GPC3: variants seen among roughly 807,000 people sequenced by gnomAD.
GPC3 encodes the protein glypican 3.
GPC3 carries 3 observed loss-of-function variants against 34.4 expected under a neutral mutation model. That is an observed-to-expected ratio of 0.09 (90% CI 0.04 to 0.23). GPC3 has a LOEUF of 0.23. Among genes scored for constraint, GPC3 ranks in the 10% least tolerant of loss-of-function variants. GPC3 has a pLI of 1.00. For missense variants in GPC3, 351 were observed against 445.6 expected, an observed-to-expected ratio of 0.79 and a Z score of 1.91; for synonymous variants, 177 against 174.0, an observed-to-expected ratio of 1.02 and a Z score of -0.13.
intron 7 of GPC3, among the ~76,000 whole-genome samples, chrX:133,556,647 G>A (rs1370072947): frequency 9.2e-6 from 1 of 108,309 alleles, no homozygotes; most frequent in Non-Finnish European, 1.9e-5. Flanking sequence ...GACAGAAGGT[G>A]GTACAGATTG....
chrX:133,790,223 G>T (rs2072146026), intron 2 of GPC3, among the ~76,000 whole-genome samples: 1 of 111,659 alleles, frequency 9.0e-6, no homozygotes. Context: ...CAATTTGAAG[G>T]CCCAGAGAAA....
At chrX:133,596,369 G>T in intron 7 of GPC3, 71 bp downstream of exon 7, 1 of 927,536 alleles carries the variant, frequency 1.1e-6, no homozygotes, top group Non-Finnish European at 1.6e-6. Context: ...GCAGACAGCG[G>T]GTTCAATTTA....
intron 2 of GPC3, among the ~76,000 whole-genome samples, chrX:133,835,307 G>A (rs1297449855): frequency 1.8e-5 from 2 of 111,899 alleles, no homozygotes; most frequent in Non-Finnish European, 3.8e-5. Flanking sequence ...GTCTCCATAT[G>A]AGTAGTGCCT....
intron 6 of GPC3, among the ~76,000 whole-genome samples, chrX:133,638,901 T>C (rs1375308631): frequency 9.0e-6 from 1 of 111,202 alleles, no homozygotes; most frequent in Non-Finnish European, 1.9e-5. Flanking sequence ...TTGGGCCGCA[T>C]TCAAAGCTGT....
intron 2 of GPC3, among the ~76,000 whole-genome samples, chrX:133,866,098 AT>A (rs201150995): frequency 0.018 from 2,042 of 112,028 alleles, 53 homozygotes; most frequent in African/African-American, 0.063. Context: ...TATGTGAGCA[AT>A]AAGGAGAGAA....
intron 6 of GPC3, among the ~76,000 whole-genome samples, chrX:133,635,358 CCAGTAGCAGTTTAAAAGAG>C (rs2070410011): frequency 9.0e-6 from 1 of 111,504 alleles, no homozygotes; most frequent in Non-Finnish European, 1.9e-5. Context: ...ACAGCCAAGG[CCAGTAGCAGTTTAAAAGAG>C]TGACAACTTA....
chrX:133,655,763 T>C (rs1216214525), intron 6 of GPC3, among the ~76,000 whole-genome samples: 6 of 112,317 alleles, frequency 5.3e-5, no homozygotes, highest in East Asian at 2.8e-4. Context: ...GAGAAGACTA[T>C]GAAAACAAGT....
At chrX:133,564,748 C>T (rs1264940627) in intron 7 of GPC3, among the ~76,000 whole-genome samples, 3 of 111,975 alleles carry the variant, frequency 2.7e-5, no homozygotes, top group Non-Finnish European at 5.6e-5. Context: ...TAAGTGTAAG[C>T]ATTCCATGAA....
At chrX:133,585,577 G>T (rs1366462125) in intron 7 of GPC3, among the ~76,000 whole-genome samples, 1 of 111,244 alleles carries the variant, frequency 9.0e-6, no homozygotes, top group Non-Finnish European at 1.9e-5. Flanking sequence ...TTCTTGCAGG[G>T]GAGCACTTTC....
intron 2 of GPC3, among the ~76,000 whole-genome samples, chrX:133,826,979 T>A (rs1046340894): frequency 2.7e-5 from 3 of 112,290 alleles, no homozygotes; most frequent in Non-Finnish European, 3.8e-5. Context: ...AGTAACTGCT[T>A]TATGGATACA....
intron 1 of GPC3, among the ~76,000 whole-genome samples, chrX:133,983,132 G>T (rs1334151986): frequency 8.9e-6 from 1 of 111,801 alleles, no homozygotes; most frequent in Non-Finnish European, 1.9e-5. Flanking sequence ...AGCTGTATGG[G>T]GATCACCATA....
chrX:133,587,107 C>T (rs961347170), intron 7 of GPC3, among the ~76,000 whole-genome samples: 1 of 111,741 alleles, frequency 8.9e-6, no homozygotes, highest in African/African-American at 3.3e-5. Context: ...CCCTACCCCA[C>T]CTCTGTTCTA....
At chrX:133,737,133 A>G (rs1474434832) in intron 3 of GPC3, among the ~76,000 whole-genome samples, 1 of 112,527 alleles carries the variant, frequency 8.9e-6, no homozygotes, top group Non-Finnish European at 1.9e-5. Flanking sequence ...AATTCCAACT[A>G]TGTGACATTC....
chrX:133,891,506 C>A (rs922572114), intron 2 of GPC3, among the ~76,000 whole-genome samples: 2 of 110,352 alleles, frequency 1.8e-5, no homozygotes, highest in Admixed American at 1.9e-4. Flanking sequence ...TGGGAGCTTA[C>A]ATCTATAATC....
chrX:133,853,600 C>G, intron 2 of GPC3, among the ~76,000 whole-genome samples: 1 of 112,280 alleles, frequency 8.9e-6, no homozygotes, highest in East Asian at 2.8e-4. Context: ...TAACATTAAG[C>G]ATCTAGATGA....
In GPC3 at chrX:133,749,790, C is replaced by T. The variant is rs911019571; in HGVS notation, c.1032+3692G>A. On this transcript the variant is annotated intron_variant, in intron 3 of 7. Coordinates refer to ENST00000370818, the MANE Select transcript of GPC3 (RefSeq NM_004484.4). Reference sequence around the variant, plus strand: ...TTATCGCAACAGGAAGGTTAGGGTGCTACTGGAGAATCTCATTAAAGCTTT... The same window carrying T: ...TTATCGCAACAGGAAGGTTAGGGTGTTACTGGAGAATCTCATTAAAGCTTT... 2.7e-5 allele frequency among the ~76,000 whole-genome samples: 3 copies of T among 111,355 alleles called. No homozygotes were observed. In the East Asian group the frequency reaches 8.5e-4, roughly 32 times the overall value.
chrX:133,543,839 T>C (rs1309293067), intron 7 of GPC3, among the ~76,000 whole-genome samples: 2 of 112,251 alleles, frequency 1.8e-5, no homozygotes, highest in Admixed American at 1.9e-4. Flanking sequence ...TCATCAGACA[T>C]TTCCTGTTTA....
At position 133,788,373 on chromosome X, in the gene GPC3, T is replaced by C. The variant is rs1412373759; in HGVS notation, c.338-34197A>G. ...CTTAAGACAGCACCAAAAGATCCAG[T>C]TGTGGGATTAGATGCTTTCTCACTA... On this transcript the variant is annotated intron_variant, in intron 2 of 7. Coordinates refer to ENST00000370818, the MANE Select transcript of GPC3 (RefSeq NM_004484.4). Among the ~76,000 whole-genome samples the C allele has an allele frequency of 2.8e-5, 3 of 108,850 alleles. No homozygotes were observed. In the Admixed American group the frequency reaches 3.0e-4, roughly 11 times the overall value. 94.5% of individuals were successfully genotyped at this position (108,850 alleles called of 115,157 possible). A position where few individuals can be genotyped will look rare whatever the true frequency, so the allele number is the denominator to read the frequency against.
At position 133,536,138 on chromosome X, in the gene GPC3, A is replaced by G. The variant is rs755635706; in HGVS notation, c.1729T>C (p.Phe577Leu). ...GCACCAGGCAGTCAGTGCACCAGGA[A>G]GAAGAAGCACACCACCGAGATGGCC... ...SMAISVVCFFFLVH is the reference protein window; with the variant it reads ...SMAISVVCFFLLVH The change falls in exon 8 of 8, where the codon TTC becomes CTC. Residue 577 changes from phenylalanine (F) to leucine (L), a missense_variant. Transcript: ENST00000370818. 2 of 1,206,092 alleles carry G rather than the reference A, an allele frequency of 1.7e-6. No homozygotes were observed. The highest frequency in any genetic ancestry group is 2.2e-6 in the Non-Finnish European group (2 of 891,799).
Sources: gnomAD v4.1 joint callset for allele counts (sites outside exome capture counted in the v4.1 genomes callset) on GRCh38, gnomAD v4.1.1 for gene constraint, MANE v1.5 for transcripts, NCBI Gene and HGNC (gene_info 2026-07-23, HGNC 2026-07-21) for gene names.